The following ATP23 variants were observed in gnomAD, a reference collection of about 807,000 sequenced individuals.
ATP23 encodes the protein mitochondrial inner membrane protease ATP23 homolog.
A neutral mutation model predicts 28.5 loss-of-function variants in ATP23; 24 were observed. The ratio of observed to expected loss-of-function variants is 0.84; its 90% CI spans 0.61 to 1.18. The LOEUF (loss-of-function observed/expected upper bound fraction) is 1.18, where lower values mean the gene tolerates loss of function less well. ATP23 is among the 50% of genes most tolerant of loss of function. The pLI, the probability that ATP23 is intolerant of heterozygous loss-of-function variation, is 0.00. For synonymous variants in ATP23, 99 were observed against 108.6 expected (o/e 0.91, Z 0.55); for missense variants, 274 against 306.4 (o/e 0.89, Z 0.79).
At chr12:57,942,674 C>T (rs926132157) in intron 1 of ATP23, among the ~76,000 whole-genome samples, 1 of 152,120 alleles carries the variant, frequency 6.6e-6, no homozygotes, top group Non-Finnish European at 1.5e-5. Flanking sequence ...CTGCCTGCCT[C>T]GGCCTCCCAA....
At chr12:57,944,898 A>G (rs1435887870) in intron 1 of ATP23, among the ~76,000 whole-genome samples, 4 of 152,126 alleles carry the variant, frequency 2.6e-5, no homozygotes, top group African/African-American at 4.8e-5. Context: ...GGCAGGTCCA[A>G]TTTAGAAGGT....
intron 1 of ATP23, among the ~76,000 whole-genome samples, chr12:57,945,124 A>G (rs1956747535): frequency 6.6e-6 from 1 of 152,252 alleles, no homozygotes; most frequent in South Asian, 2.1e-4. Flanking sequence ...ATTGTCTAAG[A>G]TGCTTAGTAG....
chr12:57,941,601 G>T lies in ATP23; in HGVS notation c.-101G>T, dbSNP rs976519717. On this transcript the variant is annotated 5_prime_UTR_variant, in exon 1 of 6. Coordinates refer to ENST00000300145, the MANE Select transcript of ATP23 (RefSeq NM_033276.4). ...AGGCTGCCCTTCTTCCCTGCGGAGG[G>T]AGGGCCTGGGCGGTCGCGTTGGCGG... The T allele has an allele frequency of 1.4e-6, 2 of 1,454,026 alleles. No individual in the cohort carries two copies. Among genetic ancestry groups the T allele is most frequent in the Non-Finnish European group, 1.8e-6 (2 of 1,095,006 alleles). 90.1% of individuals were successfully genotyped at this position (1,454,026 alleles called of 1,614,324 possible).
At chr12:57,956,604 A>T in intron 5 of ATP23, 83 bp from the exon 6 acceptor site, 1 of 1,035,924 alleles carries the variant, frequency 9.7e-7, no homozygotes, top group Non-Finnish European at 1.4e-6. Context: ...AATTTTAATT[A>T]ATTCAGACAT....
chr12:57,946,846 C>A, intron 2 of ATP23, 149 bp from the exon 3 acceptor site: 1 of 612,738 alleles, frequency 1.6e-6, no homozygotes, highest in Non-Finnish European at 2.9e-6. Context: ...GATAACAGTC[C>A]TGAAGATGTT....
intron 1 of ATP23, among the ~76,000 whole-genome samples, chr12:57,942,109 T>C (rs1956710847): frequency 6.6e-6 from 1 of 152,174 alleles, no homozygotes; most frequent in South Asian, 2.1e-4. Flanking sequence ...GTGGAATGAA[T>C]TTGTCTGCCC....
In ATP23 at chr12:57,955,813, A is replaced by T. The variant is rs17120058; in HGVS notation, c.538-874A>T. ...AAACACTATATTCCAATGTTAGTGA[A>T]TATCTCCAGCTTGAGCACACTGACC... On this transcript the variant is annotated intron_variant, in intron 5 of 5. Coordinates refer to ENST00000300145, the MANE Select transcript of ATP23 (RefSeq NM_033276.4). Among the ~76,000 whole-genome samples, 7 of 152,200 alleles carry T rather than the reference A, an allele frequency of 4.6e-5. No individual in the cohort carries two copies. The South Asian group carries it at 1.4e-3, about 32-fold the overall frequency.
At chr12:57,942,825 CA>C (rs1203662565) in intron 1 of ATP23, among the ~76,000 whole-genome samples, 3 of 152,100 alleles carry the variant, frequency 2.0e-5, no homozygotes, top group African/African-American at 7.2e-5. Flanking sequence ...GTGGGTTAAA[CA>C]GGGACACAAC....
intron 3 of ATP23, among the ~76,000 whole-genome samples, chr12:57,948,243 A>G (rs1481505534): frequency 6.6e-6 from 1 of 152,140 alleles, no homozygotes; most frequent in Non-Finnish European, 1.5e-5. Context: ...AGTGTTGAAC[A>G]CAGTTGGGCA....
intron 3 of ATP23, among the ~76,000 whole-genome samples, chr12:57,949,259 C>T (rs558588537): frequency 2.6e-5 from 4 of 152,196 alleles, no homozygotes; most frequent in Non-Finnish European, 4.4e-5. Flanking sequence ...TTCTAGTATA[C>T]AGCACTCTTC....
In ATP23 at chr12:57,956,824, C is replaced by A; in HGVS notation, c.675C>A (p.Asn225Lys). 2 of 1,613,826 alleles carry A rather than the reference C, an allele frequency of 1.2e-6. No individual in the cohort carries two copies. Among genetic ancestry groups the A allele is most frequent in the Non-Finnish European group, 1.7e-6 (2 of 1,179,914 alleles). The change falls in exon 6 of 6, where the codon AAC becomes AAA. Residue 225 changes from asparagine (N) to lysine (K), a missense_variant. Physicochemically the swap from Asn to Lys is moderately conservative, Grantham distance 94. Transcript: ENST00000300145. ...DHEPFGRIPH[N>K]KTYARYAHRD... ...AACCTTTTGGAAGGATCCCACATAA[C>A]AAGACTTATGCAAGATATGCTCACA... is the stretch of plus-strand genomic sequence containing the variant.
chr12:57,947,591 T>A (rs1206438216), intron 3 of ATP23, among the ~76,000 whole-genome samples: 1 of 152,072 alleles, frequency 6.6e-6, no homozygotes, highest in African/African-American at 2.4e-5. Context: ...AATTAAAGGG[T>A]TTTTACCTTT....
chr12:57,948,502 T>C (rs7307628), intron 3 of ATP23, among the ~76,000 whole-genome samples: 19,570 of 152,148 alleles, frequency 0.13, 2,169 homozygotes, highest in African/African-American at 0.3. Context: ...AGGCTGGTCT[T>C]GAACCCCTGA....
At chr12:57,943,128 T>C (rs145928585) in intron 1 of ATP23, among the ~76,000 whole-genome samples, 149 of 152,214 alleles carry the variant, frequency 9.8e-4, no homozygotes, top group Non-Finnish European at 1.8e-3. Flanking sequence ...ATGATGATAT[T>C]GTATTTACTG....
Position 57,958,807 on chromosome 12 carries a change from T to G in ATP23, c.*1917T>G, listed in dbSNP as rs1956892221. On this transcript the variant is annotated 3_prime_UTR_variant, in exon 6 of 6. Coordinates refer to ENST00000300145, the MANE Select transcript of ATP23 (RefSeq NM_033276.4). ...GAAGGAACCAGAAAACTAACCCTGG[T>G]AATATGACAAAACAAAAGCTCTTTA... Among the ~76,000 whole-genome samples, 1 of 152,096 alleles carries G rather than the reference T, an allele frequency of 6.6e-6. No homozygotes were observed. Among genetic ancestry groups the G allele is most frequent in the Non-Finnish European group, 1.5e-5 (1 of 68,028 alleles).
At chr12:57,949,906 A>G (rs1956798422) in intron 3 of ATP23, 1 of 152,256 alleles carries the variant, frequency 6.6e-6, no homozygotes, top group African/African-American at 2.4e-5. Context: ...TGCATATCTC[A>G]GTGGATGGTG....
At chr12:57,954,306 A>G (rs1159010768) in intron 5 of ATP23, among the ~76,000 whole-genome samples, 1 of 152,148 alleles carries the variant, frequency 6.6e-6, no homozygotes, top group Non-Finnish European at 1.5e-5. Context: ...TTATTCTAAC[A>G]ATTCTTGACT....
chr12:57,947,724 C>G (rs960232077), intron 3 of ATP23, among the ~76,000 whole-genome samples: 3 of 152,112 alleles, frequency 2.0e-5, no homozygotes, highest in Non-Finnish European at 4.4e-5. Context: ...TGAGATATCT[C>G]TTATAGAGTT....
chr12:57,948,739 G>A (rs562514710), intron 3 of ATP23, among the ~76,000 whole-genome samples: 15 of 152,184 alleles, frequency 9.9e-5, no homozygotes, highest in East Asian at 3.9e-4. Context: ...AGAAGCCTTC[G>A]TGGTCCTCTT....
Sources: allele counts gnomAD v4.1 joint callset (sites outside exome capture counted in the v4.1 genomes callset), GRCh38; gene constraint gnomAD v4.1.1; transcripts MANE v1.5; gene names NCBI Gene and HGNC (gene_info 2026-07-23, HGNC 2026-07-21).